Variants in SLC1A2 observed in about 807,000 individuals in gnomAD.
The protein encoded by SLC1A2 is excitatory amino acid transporter 2.
Under a neutral mutation model 48.8 loss-of-function variants are expected in SLC1A2, and 15 were observed. That is an observed-to-expected ratio of 0.31 (90% CI 0.21 to 0.47). The LOEUF is 0.47. Ranked by LOEUF, SLC1A2 falls within the 20% of genes least tolerant of loss-of-function variation. The pLI is 0.99. For missense variants in SLC1A2, 502 were observed against 730.5 expected (o/e 0.69, Z 3.61); for synonymous variants, 279 against 272.6 (o/e 1.02, Z -0.23).
intron 2 of SLC1A2, chr11:35,315,808 A>AAAAG (rs61571306): frequency 0.47 from 64,728 of 138,090 alleles, 15,447 homozygotes; most frequent in South Asian, 0.61. Flanking sequence ...AAAAAAAAAA[A>AAAAG]AAAGAAAGAA....
In SLC1A2 at chr11:35,253,067, G is replaced by A. The variant is rs1950263675; in HGVS notation, c.*7827C>T. On this transcript the variant is annotated 3_prime_UTR_variant, in exon 11 of 11. Coordinates refer to ENST00000278379, the MANE Select transcript of SLC1A2 (RefSeq NM_004171.4). ...ACTACTCCTACCACCATCTCAGAAA[G>A]TATTTGGTGGAAGGAAGACACCTCG... is the stretch of plus-strand genomic sequence containing the variant. The A allele has an allele frequency of 6.6e-6, 1 of 152,168 alleles. No individual in the cohort carries two copies. Among genetic ancestry groups the A allele is most frequent in the Non-Finnish European group, 1.5e-5 (1 of 68,016 alleles). The allele number at this position is 152,168 out of a possible 1,614,324, so 9.4% of individuals were successfully genotyped here.
chr11:35,403,515 A>G (rs1855192933), intron 1 of SLC1A2, among the ~76,000 whole-genome samples: 1 of 152,238 alleles, frequency 6.6e-6, no homozygotes, highest in African/African-American at 2.4e-5. Context: ...GACTGGCTAC[A>G]TAATGTGTGG....
chr11:35,366,354 G>A (rs895915929), intron 1 of SLC1A2, among the ~76,000 whole-genome samples: 1 of 152,166 alleles, frequency 6.6e-6, no homozygotes, highest in Non-Finnish European at 1.5e-5. Flanking sequence ...CTCTTTGTCT[G>A]AGTGCTTTCT....
intron 1 of SLC1A2, chr11:35,352,283 T>C (rs1853289136): frequency 6.6e-6 from 1 of 152,244 alleles, no homozygotes; most frequent in South Asian, 2.1e-4. Flanking sequence ...TTCCACTTAG[T>C]TTTCCAGCCT....
chr11:35,278,338 C>T (rs1354832174), intron 9 of SLC1A2, among the ~76,000 whole-genome samples: 3 of 145,170 alleles, frequency 2.1e-5, no homozygotes, highest in African/African-American at 5.1e-5. Flanking sequence ...TGCAATGGCA[C>T]GATCTCAGCT....
intron 1 of SLC1A2, among the ~76,000 whole-genome samples, chr11:35,342,925 GAAA>G (rs1189776950): frequency 6.6e-6 from 1 of 152,222 alleles, no homozygotes; most frequent in Non-Finnish European, 1.5e-5. Context: ...TCATGTGTCA[GAAA>G]ATACTAGCCC....
chr11:35,324,259 G>A (rs930575966), intron 1 of SLC1A2, among the ~76,000 whole-genome samples: 3 of 152,204 alleles, frequency 2.0e-5, no homozygotes, highest in Admixed American at 2.0e-4. Flanking sequence ...AATAAAAGTT[G>A]TATTTGTTTG....
chr11:35,321,012 C>T (rs1355155613), intron 1 of SLC1A2, among the ~76,000 whole-genome samples: 1 of 152,148 alleles, frequency 6.6e-6, no homozygotes, highest in African/African-American at 2.4e-5. Flanking sequence ...ACTCACAGTT[C>T]AGCATGGCTT....
rs1237567184 is a variant in SLC1A2 at position 35,258,018 on chromosome 11, T to C, written c.*2876A>G. 1 of 152,238 alleles carries C rather than the reference T, an allele frequency of 6.6e-6. No homozygotes were observed. The allele number at this position is 152,238 out of a possible 1,614,324, so 9.4% of individuals were successfully genotyped here. A position where few individuals can be genotyped will look rare whatever the true frequency, so the allele number is the denominator to read the frequency against. Reference sequence around the variant, plus strand: ...ATTTAGATAAAGGTTATTAGAGGTATACCCTGGATCCATTTGTTCTGTTTA... The same window carrying C: ...ATTTAGATAAAGGTTATTAGAGGTACACCCTGGATCCATTTGTTCTGTTTA... On this transcript the variant is annotated 3_prime_UTR_variant, in exon 11 of 11. Coordinates refer to ENST00000278379, the MANE Select transcript of SLC1A2 (RefSeq NM_004171.4).
chr11:35,283,675 C>A (rs1161663950), intron 8 of SLC1A2, among the ~76,000 whole-genome samples: 2 of 152,064 alleles, frequency 1.3e-5, no homozygotes, highest in African/African-American at 4.8e-5. Context: ...AGTCGAGATA[C>A]CAGAAATTAC....
At chr11:35,283,338 T>C (rs1380258658) in intron 8 of SLC1A2, among the ~76,000 whole-genome samples, 1 of 152,182 alleles carries the variant, frequency 6.6e-6, no homozygotes, top group African/African-American at 2.4e-5. Flanking sequence ...TGAAGATAGA[T>C]TTGGCTATTT....
chr11:35,255,031 GT>G lies in SLC1A2; in HGVS notation c.*5862del. The G allele has an allele frequency of 3.4e-6, 1 of 292,614 alleles. No homozygotes were observed. The highest frequency in any genetic ancestry group is 6.7e-6 in the Non-Finnish European group (1 of 149,290). The allele number at this position is 292,614 out of a possible 1,614,324, so 18.1% of individuals were successfully genotyped here. On this transcript the variant is annotated 3_prime_UTR_variant, in exon 11 of 11. Transcript: ENST00000278379. ...GTTTATCTTGCTGCCCTTGCATCAG[GT>G]TTTTTGCACTAATGGAAAAAAGCCG...
In SLC1A2 at chr11:35,314,925, G is replaced by A. The variant is rs923546430; in HGVS notation, c.310+98C>T. On this transcript the variant is annotated intron_variant, in intron 3 of 10. Transcript: ENST00000278379. ...AGCTCTGAAATGAAATGACATAGAC[G>A]ATCACATTCACTCAACCAAATTGAG... is the stretch of plus-strand genomic sequence containing the variant. 6 of 806,522 alleles carry A rather than the reference G, an allele frequency of 7.4e-6. No homozygotes were observed. The East Asian group carries it at 9.9e-5, about 13-fold the overall frequency. 50.0% of individuals were successfully genotyped at this position (806,522 alleles called of 1,614,324 possible).
At chr11:35,311,066 T>C (rs1412381249) in intron 4 of SLC1A2, among the ~76,000 whole-genome samples, 1 of 152,228 alleles carries the variant, frequency 6.6e-6, no homozygotes, top group Non-Finnish European at 1.5e-5. Context: ...TAAAACATTG[T>C]TCAATGTTTT....
chr11:35,310,137 C>T (rs1369836953), intron 4 of SLC1A2, among the ~76,000 whole-genome samples: 5 of 152,218 alleles, frequency 3.3e-5, no homozygotes, highest in Non-Finnish European at 7.3e-5. Flanking sequence ...AGCCTGCCTG[C>T]TTCTTGGTCC....
chr11:35,278,031 G>A (rs1367794516), intron 9 of SLC1A2, among the ~76,000 whole-genome samples: 2 of 152,114 alleles, frequency 1.3e-5, no homozygotes, highest in Admixed American at 6.5e-5. Context: ...GTCCCTTGGG[G>A]CCAATATAGG....
chr11:35,352,158 G>A (rs975541900), intron 1 of SLC1A2: 1 of 151,766 alleles, frequency 6.6e-6, no homozygotes, highest in African/African-American at 2.4e-5. Flanking sequence ...AAGTCCATAT[G>A]ACTCAGAGTA....
At chr11:35,330,284 T>C (rs1852385851) in intron 1 of SLC1A2, among the ~76,000 whole-genome samples, 2 of 152,150 alleles carry the variant, frequency 1.3e-5, no homozygotes, top group Middle Eastern at 3.4e-3. Context: ...ACTTCCCCAC[T>C]CCCCTAAGCC....
intron 7 of SLC1A2, 86 bp downstream of exon 7, chr11:35,292,201 T>A: frequency 1.1e-6 from 1 of 924,736 alleles, no homozygotes; most frequent in Non-Finnish European, 1.7e-6. Context: ...TATTGAACTT[T>A]GTGATGGGAG....
Sources: gnomAD v4.1 joint callset for allele counts (sites outside exome capture counted in the v4.1 genomes callset) on GRCh38, gnomAD v4.1.1 for gene constraint, MANE v1.5 for transcripts, NCBI Gene and HGNC (gene_info 2026-07-23, HGNC 2026-07-21) for gene names.